Variants in VWC2 observed in about 807,000 individuals in gnomAD.
VWC2 encodes brorin.
Under a neutral mutation model 29.8 loss-of-function variants are expected in VWC2, and 14 were observed. The ratio of observed to expected loss-of-function variants is 0.47; its 90% CI spans 0.31 to 0.74. The LOEUF (loss-of-function observed/expected upper bound fraction) is 0.74. Among genes scored for constraint, VWC2 ranks in the 30% least tolerant of loss-of-function variants. The pLI, the probability that VWC2 is intolerant of heterozygous loss-of-function variation, is 0.05. For synonymous variants in VWC2, 213 were observed against 199.0 expected, an observed-to-expected ratio of 1.07 and a Z score of -0.59; for missense variants, 457 against 459.8, an observed-to-expected ratio of 0.99 and a Z score of 0.05.
At chr7:49,814,739 A>G (rs1789097325) in intron 3 of VWC2, among the ~76,000 whole-genome samples, 1 of 152,184 alleles carries the variant, frequency 6.6e-6, no homozygotes, top group Non-Finnish European at 1.5e-5. Flanking sequence ...CTCAGATCAA[A>G]GACTGGTGTC....
At position 49,802,726 on chromosome 7, in the gene VWC2, A is replaced by G; in HGVS notation, c.712A>G (p.Arg238Gly). The G allele has an allele frequency of 1.2e-6, 2 of 1,614,188 alleles. No homozygotes were observed. Among genetic ancestry groups the G allele is most frequent in the Non-Finnish European group, 1.7e-6 (2 of 1,180,036 alleles). The change falls in exon 3 of 4, where the codon AGG (arginine) becomes GGG (glycine). Residue 238 changes from arginine (R) to glycine (G), a missense_variant. Coordinates refer to ENST00000340652, the MANE Select transcript of VWC2 (RefSeq NM_198570.5). ...TGTGTTTCAGGTGTCTCCATGCGAGAGGTGTCGCTGTGAAGCCAACGGTGA... is the reference window on the plus strand; with the variant it reads ...TGTGTTTCAGGTGTCTCCATGCGAGGGGTGTCGCTGTGAAGCCAACGGTGA... ...LEEFVVSPCE[R>G]CRCEANGEVL...
intron 1 of VWC2, among the ~76,000 whole-genome samples, chr7:49,774,429 G>A (rs1304346294): frequency 1.3e-5 from 2 of 152,216 alleles, no homozygotes; most frequent in East Asian, 1.9e-4. Flanking sequence ...GTCCTGCGGC[G>A]TCTCGGGCTC....
At chr7:49,788,991 G>A (rs553437056) in intron 2 of VWC2, among the ~76,000 whole-genome samples, 2 of 145,546 alleles carry the variant, frequency 1.4e-5, no homozygotes, top group South Asian at 2.1e-4. Flanking sequence ...GTGTGTGTGA[G>A]GTGTGGGTGC....
At chr7:49,781,609 T>G (rs897108788) in intron 2 of VWC2, among the ~76,000 whole-genome samples, 7 of 152,192 alleles carry the variant, frequency 4.6e-5, no homozygotes, top group Non-Finnish European at 2.9e-5. Flanking sequence ...CCTAGCGTGT[T>G]GGACTCTGAA....
chr7:49,805,817 C>T (rs1788863919), intron 3 of VWC2, among the ~76,000 whole-genome samples: 2 of 152,228 alleles, frequency 1.3e-5, no homozygotes, highest in East Asian at 3.9e-4. Context: ...TCTTGATCTC[C>T]GTAGACCAGC....
intron 3 of VWC2, among the ~76,000 whole-genome samples, chr7:49,840,944 T>A (rs1242511441): frequency 6.6e-6 from 1 of 152,112 alleles, no homozygotes; most frequent in Non-Finnish European, 1.5e-5. Context: ...ATGAGTGACT[T>A]GATGGGATGC....
chr7:49,888,771 C>T (rs1380385572), intron 3 of VWC2, among the ~76,000 whole-genome samples: 1 of 152,070 alleles, frequency 6.6e-6, no homozygotes, highest in Non-Finnish European at 1.5e-5. Context: ...ATTAGCCAGG[C>T]GTGGTGGCAG....
intron 2 of VWC2, among the ~76,000 whole-genome samples, chr7:49,780,060 A>G (rs2162179): frequency 0.022 from 3,392 of 152,354 alleles, 84 homozygotes; most frequent in East Asian, 0.099. Flanking sequence ...CATAGTGTCA[A>G]TGACCAAAAT....
In VWC2 at chr7:49,776,074, G is replaced by C; in HGVS notation, c.639G>C (p.Glu213Asp). 6.4e-7 allele frequency: 1 copy of C among 1,555,666 alleles called. No individual in the cohort carries two copies. Among genetic ancestry groups the C allele is most frequent in the Non-Finnish European group, 8.6e-7 (1 of 1,156,634 alleles). Residue 213 changes from glutamate (E) to aspartate (D), a missense_variant, in exon 2 of 4, where the codon GAG (glutamate) becomes GAC (aspartate). Coordinates refer to ENST00000340652, the MANE Select transcript of VWC2 (RefSeq NM_198570.5). ...DTSQCCPQCK[E>D]RKNYCEFRGK... ...GCCAGTGCTGCCCGCAGTGCAAGGA[G>C]AGGAAGAACTACTGCGAGTTCCGGG... is the stretch of plus-strand genomic sequence containing the variant.
intron 3 of VWC2, chr7:49,901,117 C>T (rs1281703354): frequency 6.6e-6 from 1 of 151,936 alleles, no homozygotes; most frequent in Non-Finnish European, 1.5e-5. Context: ...ATCGTACTTA[C>T]TGTTGAGAAA....
chr7:49,791,215 C>T (rs1788456648), intron 2 of VWC2, among the ~76,000 whole-genome samples: 1 of 152,174 alleles, frequency 6.6e-6, no homozygotes, highest in Non-Finnish European at 1.5e-5. Flanking sequence ...TCTACGTGCA[C>T]CCTAAGGGTG....
intron 3 of VWC2, among the ~76,000 whole-genome samples, chr7:49,842,925 G>T (rs983796726): frequency 9.2e-5 from 14 of 152,102 alleles, no homozygotes; most frequent in African/African-American, 3.4e-4. Context: ...AGATTCAGAA[G>T]AATACATGTG....
At chr7:49,849,910 A>C (rs1790108761) in intron 3 of VWC2, among the ~76,000 whole-genome samples, 1 of 152,190 alleles carries the variant, frequency 6.6e-6, no homozygotes, top group Non-Finnish European at 1.5e-5. Flanking sequence ...ACCATAGCAC[A>C]GGTACAAAAA....
rs1393316462 is a variant in VWC2 at position 49,792,191 on chromosome 7, TC to T, written c.697-10515del. ...TATCCGAGTTGTTTCCCGGAATCAG[TC>T]CCCCATGGATACCAGCGGACGACTG... On this transcript the variant is annotated intron_variant, in intron 2 of 3. Coordinates refer to ENST00000340652, the MANE Select transcript of VWC2 (RefSeq NM_198570.5). Among the ~76,000 whole-genome samples, 39 of 152,162 alleles carry T rather than the reference TC, an allele frequency of 2.6e-4. 2 individuals carry two copies. Among genetic ancestry groups the T allele is most frequent in the Admixed American group, 2.5e-3 (38 of 15,284 alleles).
chr7:49,889,842 C>T (rs1209197650), intron 3 of VWC2, among the ~76,000 whole-genome samples: 4 of 152,140 alleles, frequency 2.6e-5, no homozygotes, highest in Non-Finnish European at 4.4e-5. Flanking sequence ...CCCCAGTATG[C>T]CGTCATTCAC....
Position 49,912,783 on chromosome 7 carries a change from G to A in VWC2, c.*598G>A, listed in dbSNP as rs1793526784. ...ATGGCTTTTATCTGCTTCATTCTCA[G>A]TCACTTGTGAAATGCAGGTGTAAAG... On this transcript the variant is annotated 3_prime_UTR_variant, in exon 4 of 4. Coordinates refer to ENST00000340652, the MANE Select transcript of VWC2 (RefSeq NM_198570.5). The A allele has an allele frequency of 6.6e-6, 1 of 152,118 alleles. No individual in the cohort carries two copies. Among genetic ancestry groups the A allele is most frequent in the South Asian group, 2.1e-4 (1 of 4,820 alleles). The allele number at this position is 152,118 out of a possible 1,614,324, so 9.4% of individuals were successfully genotyped here.
chr7:49,822,479 G>A (rs919649528), intron 3 of VWC2, among the ~76,000 whole-genome samples: 1 of 152,134 alleles, frequency 6.6e-6, no homozygotes, highest in Non-Finnish European at 1.5e-5. Flanking sequence ...TGTTGCCCAG[G>A]CTGGAGTGCA....
chr7:49,835,711 G>A (rs1046687414), intron 3 of VWC2, among the ~76,000 whole-genome samples: 4 of 152,206 alleles, frequency 2.6e-5, no homozygotes, highest in South Asian at 2.1e-4. Context: ...TTGCGTCCAC[G>A]TGCACTTTAG....
chr7:49,780,544 A>G (rs1036690371), intron 2 of VWC2, among the ~76,000 whole-genome samples: 1 of 152,178 alleles, frequency 6.6e-6, no homozygotes, highest in Admixed American at 6.5e-5. Context: ...TGTTTTATAA[A>G]ACCTAATGGA....
Sources: allele counts gnomAD v4.1 joint callset (sites outside exome capture counted in the v4.1 genomes callset), GRCh38; gene constraint gnomAD v4.1.1; transcripts MANE v1.5; gene names NCBI Gene and HGNC (gene_info 2026-07-23, HGNC 2026-07-21).